APP: variants seen among roughly 807,000 people sequenced by gnomAD.
APP encodes the protein amyloid beta precursor protein, also known as amyloid-beta precursor protein.
APP carries 31 observed loss-of-function variants against 101.4 expected under a neutral mutation model. That is an observed-to-expected ratio of 0.31 (90% CI 0.23 to 0.41). The LOEUF is 0.41. Ranked by LOEUF, APP falls within the 10% of genes least tolerant of loss-of-function variation. The pLI, the probability that APP is intolerant of heterozygous loss-of-function variation, is 1.00. For missense variants in APP, 839 were observed against 1,003.7 expected (o/e 0.84, Z 2.22); for synonymous variants, 366 against 364.4 (o/e 1.00, Z -0.05).
At chr21:25,940,429 G>T (rs904027516) in intron 13 of APP, among the ~76,000 whole-genome samples, 1 of 152,148 alleles carries the variant, frequency 6.6e-6, no homozygotes, top group Non-Finnish European at 1.5e-5. Context: ...AATAGTTTAT[G>T]AAAGTTCCTT....
intron 15 of APP, among the ~76,000 whole-genome samples, chr21:25,901,309 AAAAAAAAAAC>A (rs1475998802): frequency 3.5e-5 from 4 of 114,982 alleles, no homozygotes; most frequent in African/African-American, 1.0e-4. Context: ...AAAAAAAAAA[AAAAAAAAAAC>A]AAAACCAAGA....
chr21:26,120,209 A>G (rs527758563), intron 1 of APP, among the ~76,000 whole-genome samples: 88 of 152,328 alleles, frequency 5.8e-4, no homozygotes, highest in African/African-American at 2.0e-3. Context: ...TTTGATAGGA[A>G]TAACTAAAAT....
intron 3 of APP, among the ~76,000 whole-genome samples, chr21:26,075,861 C>T (rs1463471836): frequency 6.6e-6 from 1 of 152,124 alleles, no homozygotes; most frequent in Non-Finnish European, 1.5e-5. Flanking sequence ...ACTACTTTCC[C>T]TGGAACATCC....
At chr21:26,018,753 T>C (rs1012247970) in intron 6 of APP, among the ~76,000 whole-genome samples, 3 of 152,222 alleles carry the variant, frequency 2.0e-5, no homozygotes, top group Non-Finnish European at 4.4e-5. Context: ...AATGACCAGG[T>C]ATCTTGCTTT....
intron 1 of APP, among the ~76,000 whole-genome samples, chr21:26,159,021 C>A (rs1026889092): frequency 6.6e-6 from 1 of 152,144 alleles, no homozygotes; most frequent in Non-Finnish European, 1.5e-5. Flanking sequence ...AGAATCCATG[C>A]AGTATGTCCA....
At chr21:26,123,521 CCTT>C (rs2062618544) in intron 1 of APP, among the ~76,000 whole-genome samples, 1 of 152,152 alleles carries the variant, frequency 6.6e-6, no homozygotes, top group South Asian at 2.1e-4. Context: ...GGTAGATTGT[CCTT>C]CTTAAATAAC....
At chr21:26,036,421 TA>T (rs2045112483) in intron 5 of APP, among the ~76,000 whole-genome samples, 1 of 152,170 alleles carries the variant, frequency 6.6e-6, no homozygotes, top group African/African-American at 2.4e-5. Flanking sequence ...AAGAACTTAC[TA>T]ATCTTAAGGT....
intron 8 of APP, among the ~76,000 whole-genome samples, chr21:25,983,345 G>A (rs748908550): frequency 1.3e-5 from 2 of 152,038 alleles, no homozygotes; most frequent in African/African-American, 2.4e-5. Context: ...AAAATGAGAC[G>A]TTTTCACTAT....
intron 8 of APP, among the ~76,000 whole-genome samples, chr21:25,990,408 C>T (rs919953605): frequency 5.3e-5 from 8 of 151,932 alleles, no homozygotes; most frequent in Admixed American, 5.2e-4. Context: ...TAAAAGCAAC[C>T]TCAAGTTTGA....
intron 1 of APP, among the ~76,000 whole-genome samples, chr21:26,116,988 A>G (rs2062449820): frequency 6.6e-6 from 1 of 152,072 alleles, no homozygotes; most frequent in Non-Finnish European, 1.5e-5. Flanking sequence ...GGTTCAAGCT[A>G]TTCTCCTGCC....
At chr21:26,096,669 C>T (rs747607846) in intron 2 of APP, among the ~76,000 whole-genome samples, 8 of 152,128 alleles carry the variant, frequency 5.3e-5, no homozygotes, top group African/African-American at 1.9e-4. Context: ...CCCAGCTACT[C>T]GGGAGGCTGA....
chr21:26,029,253 C>G (rs1397976713), intron 5 of APP, among the ~76,000 whole-genome samples: 1 of 152,124 alleles, frequency 6.6e-6, no homozygotes, highest in African/African-American at 2.4e-5. Context: ...TCTCTGGCTG[C>G]TGGGCACAGA....
At chr21:26,043,289 G>A (rs1239722317) in intron 5 of APP, among the ~76,000 whole-genome samples, 2 of 151,972 alleles carry the variant, frequency 1.3e-5, no homozygotes, top group African/African-American at 4.8e-5. Context: ...AGGCTGAAGT[G>A]CAGTGGTGCG....
At chr21:26,080,786 A>C (rs990930884) in intron 3 of APP, among the ~76,000 whole-genome samples, 1 of 150,420 alleles carries the variant, frequency 6.6e-6, no homozygotes, top group Non-Finnish European at 1.5e-5. Flanking sequence ...AAAAAAAAAG[A>C]AAAAAAAATC....
chr21:26,104,134 T>C (rs776077963), intron 2 of APP, among the ~76,000 whole-genome samples: 1 of 152,162 alleles, frequency 6.6e-6, no homozygotes, highest in Non-Finnish European at 1.5e-5. Flanking sequence ...TCTTTTCTTA[T>C]AAGGGCACTA....
chr21:26,004,086 A>G (rs1249185020), intron 6 of APP, among the ~76,000 whole-genome samples: 1 of 152,154 alleles, frequency 6.6e-6, no homozygotes, highest in African/African-American at 2.4e-5. Context: ...AGCACCAGCG[A>G]TGTATGATGC....
At chr21:26,088,768 A>C (rs1488954615) in intron 3 of APP, among the ~76,000 whole-genome samples, 1 of 152,232 alleles carries the variant, frequency 6.6e-6, no homozygotes, top group African/African-American at 2.4e-5. Context: ...TATAAAGCAT[A>C]TAGGAACAAG....
intron 3 of APP, among the ~76,000 whole-genome samples, chr21:26,073,574 G>A (rs1051924357): frequency 1.3e-5 from 2 of 152,204 alleles, no homozygotes; most frequent in Non-Finnish European, 2.9e-5. Flanking sequence ...GAGACAGAGC[G>A]AGGGTGGAAG....
At chr21:26,018,392 T>C (rs2044194356) in intron 6 of APP, among the ~76,000 whole-genome samples, 1 of 152,250 alleles carries the variant, frequency 6.6e-6, no homozygotes, top group Non-Finnish European at 1.5e-5. Context: ...AGCAACCTAC[T>C]TGTAATTAGA....
Sources: allele counts gnomAD v4.1 joint callset (sites outside exome capture counted in the v4.1 genomes callset), GRCh38; gene constraint gnomAD v4.1.1; transcripts MANE v1.5; gene names NCBI Gene and HGNC (gene_info 2026-07-23, HGNC 2026-07-21).